Variants in EDA observed in about 807,000 individuals in gnomAD.
The protein encoded by EDA is ectodysplasin-A.
A neutral mutation model predicts 23.6 loss-of-function variants in EDA; 2 were observed. The observed-to-expected ratio is 0.08, with a 90% CI of 0.03 to 0.27. The LOEUF is 0.27. Ranked by LOEUF, EDA falls within the 10% of genes least tolerant of loss-of-function variation. The probability of loss-of-function intolerance (pLI) is 1.00; values close to 1 mark genes in which losing one functional copy is unlikely to be tolerated. For synonymous variants in EDA, 131 were observed against 132.0 expected (o/e 0.99, Z 0.05); for missense variants, 229 against 324.2 (o/e 0.71, Z 2.26).
intron 1 of EDA, among the ~76,000 whole-genome samples, chrX:69,626,352 C>A (rs1932385626): frequency 8.9e-6 from 1 of 112,055 alleles, no homozygotes; most frequent in Non-Finnish European, 1.9e-5. Flanking sequence ...AAAGCCTCTA[C>A]ATTGAATGTT....
intron 3 of EDA, among the ~76,000 whole-genome samples, chrX:70,024,857 G>A (rs187222882): frequency 2.7e-5 from 3 of 112,372 alleles, no homozygotes; most frequent in Middle Eastern, 4.6e-3. Flanking sequence ...GCTTTGAAAG[G>A]AATGTGTATA....
At chrX:69,789,689 A>G (rs1013803271) in intron 1 of EDA, among the ~76,000 whole-genome samples, 1 of 111,607 alleles carries the variant, frequency 9.0e-6, no homozygotes, top group Non-Finnish European at 1.9e-5. Flanking sequence ...CTGCTTCTAA[A>G]AATTGTATCT....
chrX:69,730,653 T>G (rs1307987942), intron 1 of EDA, among the ~76,000 whole-genome samples: 1 of 112,236 alleles, frequency 8.9e-6, no homozygotes, highest in Non-Finnish European at 1.9e-5. Context: ...GACAAGGACC[T>G]TGGTTTAGCC....
chrX:69,677,056 C>A (rs1221873961), intron 1 of EDA, among the ~76,000 whole-genome samples: 2 of 95,392 alleles, frequency 2.1e-5, no homozygotes, highest in African/African-American at 3.9e-5. Flanking sequence ...TCAATTCCCA[C>A]CTATGAGTGA....
intron 1 of EDA, among the ~76,000 whole-genome samples, chrX:69,810,623 G>C (rs906727909): frequency 9.1e-6 from 1 of 109,384 alleles, no homozygotes. Flanking sequence ...GGGCGTGGTG[G>C]TGGCCACCTG....
At chrX:69,774,278 A>G (rs759400004) in intron 1 of EDA, among the ~76,000 whole-genome samples, 1 of 112,018 alleles carries the variant, frequency 8.9e-6, no homozygotes, top group Non-Finnish European at 1.9e-5. Flanking sequence ...GGGAACATTT[A>G]CAGGTCTCCA....
intron 2 of EDA, among the ~76,000 whole-genome samples, chrX:70,018,871 A>G (rs1181422687): frequency 1.8e-5 from 2 of 112,187 alleles, no homozygotes; most frequent in Non-Finnish European, 3.8e-5. Context: ...CCTGCATAGC[A>G]AAACAGCAAA....
rs139928737 is a variant in EDA, at chrX:69,937,243, A to G, written c.397-19784A>G. ...GATGAACCAGAACCAAGGCCATACA[A>G]ATGACCACAATATTTGGCATCATCA... On this transcript the variant is annotated intron_variant, in intron 1 of 7. Transcript: ENST00000374552. 2.2e-3 allele frequency: 1,783 copies of G among 815,255 alleles called. 1 individual carries two copies. Among genetic ancestry groups the G allele is most frequent in the Non-Finnish European group, 3.0e-3 (1,590 of 535,042 alleles). The allele number at this position is 815,255 out of a possible 1,213,427, so 67.2% of individuals were successfully genotyped here. A position where few individuals can be genotyped will look rare whatever the true frequency, so the allele number is the denominator to read the frequency against.
intron 1 of EDA, among the ~76,000 whole-genome samples, chrX:69,814,188 G>A (rs1468145156): frequency 2.7e-5 from 3 of 112,743 alleles, no homozygotes; most frequent in African/African-American, 9.7e-5. Flanking sequence ...GTGTGCATAT[G>A]TACCCATACA....
At chrX:70,021,060 T>C (rs1011967195) in intron 2 of EDA, among the ~76,000 whole-genome samples, 1 of 112,434 alleles carries the variant, frequency 8.9e-6, no homozygotes, top group Non-Finnish European at 1.9e-5. Flanking sequence ...TCCATTTCTC[T>C]CTTTTCACTT....
At chrX:69,752,654 A>G (rs1231684224) in intron 1 of EDA, among the ~76,000 whole-genome samples, 1 of 112,140 alleles carries the variant, frequency 8.9e-6, no homozygotes, top group Admixed American at 9.4e-5. Flanking sequence ...AAGGAAAGGT[A>G]CCAGCTCCTC....
At chrX:69,661,428 A>G (rs1415113474) in intron 1 of EDA, among the ~76,000 whole-genome samples, 2 of 106,173 alleles carry the variant, frequency 1.9e-5, no homozygotes, top group Non-Finnish European at 3.9e-5. Flanking sequence ...GCCCATGCCT[A>G]TGTCCTGAAT....
intron 1 of EDA, among the ~76,000 whole-genome samples, chrX:69,657,079 C>T (rs913547490): frequency 1.8e-5 from 2 of 112,084 alleles, no homozygotes; most frequent in Non-Finnish European, 3.8e-5. Context: ...CTTCTAACTG[C>T]ATTTCACAGG....
At chrX:69,925,743 C>A (rs1419397781) in intron 1 of EDA, among the ~76,000 whole-genome samples, 2 of 106,629 alleles carry the variant, frequency 1.9e-5, no homozygotes, top group Admixed American at 1.0e-4. Flanking sequence ...TCTCTTTGTA[C>A]CTCTGGTAGA....
intron 1 of EDA, among the ~76,000 whole-genome samples, chrX:69,828,797 A>G (rs138323173): frequency 1.4e-3 from 155 of 112,664 alleles, no homozygotes; most frequent in African/African-American, 4.9e-3. Context: ...CATGTTTTTC[A>G]TTAGCCCATC....
At chrX:69,737,352 G>A (rs986260482) in intron 1 of EDA, among the ~76,000 whole-genome samples, 1 of 111,306 alleles carries the variant, frequency 9.0e-6, no homozygotes, top group Admixed American at 9.6e-5. Flanking sequence ...TGGAGTAATT[G>A]AATTATGATT....
chrX:69,721,564 C>T (rs1199755119), intron 1 of EDA, among the ~76,000 whole-genome samples: 2 of 111,078 alleles, frequency 1.8e-5, no homozygotes, highest in East Asian at 2.8e-4. Flanking sequence ...GCTGGTTGGG[C>T]TCCCAATTGA....
intron 1 of EDA, among the ~76,000 whole-genome samples, chrX:69,901,538 T>C (rs889016191): frequency 8.9e-5 from 10 of 111,776 alleles, no homozygotes; most frequent in African/African-American, 3.2e-4. Flanking sequence ...TCAGAAAGGA[T>C]GACTTTTCTT....
chrX:69,732,228 G>C (rs978876930), intron 1 of EDA, among the ~76,000 whole-genome samples: 21 of 111,420 alleles, frequency 1.9e-4, no homozygotes, highest in African/African-American at 6.5e-4. Context: ...TTAGGTATAT[G>C]TCCTAATGCT....
Sources: allele counts gnomAD v4.1 joint callset (sites outside exome capture counted in the v4.1 genomes callset), GRCh38; gene constraint gnomAD v4.1.1; transcripts MANE v1.5; gene names NCBI Gene and HGNC (gene_info 2026-07-23, HGNC 2026-07-21).